The following SHTN1 variants were observed in gnomAD, a reference collection of about 807,000 sequenced individuals.
SHTN1 encodes the protein shootin-1.
In SHTN1, 42 loss-of-function variants were observed where a neutral mutation model predicts 83.1. The observed-to-expected ratio is 0.51, with a 90% confidence interval of 0.39 to 0.65. The LOEUF (loss-of-function observed/expected upper bound fraction) is 0.65. SHTN1 is among the 30% of genes least tolerant of loss of function. SHTN1 has a pLI of 0.00. For synonymous variants in SHTN1, 224 were observed against 247.7 expected (o/e 0.90, Z 0.90); for missense variants, 622 against 737.8 (o/e 0.84, Z 1.82).
At chr10:116,996,949 G>A (rs1240865465) in intron 1 of SHTN1, among the ~76,000 whole-genome samples, 1 of 152,180 alleles carries the variant, frequency 6.6e-6, no homozygotes, top group East Asian at 1.9e-4. Flanking sequence ...TTTCAAAGGG[G>A]AGAACTGAAG....
chr10:117,126,499 A>T (rs1375552530), exon 1 of SHTN1: 3 of 160,446 alleles, frequency 1.9e-5, no homozygotes, highest in Admixed American at 6.6e-5. Flanking sequence ...GCCTCCTAGC[A>T]CGCATGCCCC....
At chr10:116,955,551 A>C (rs982233126) in intron 4 of SHTN1, among the ~76,000 whole-genome samples, 10 of 152,186 alleles carry the variant, frequency 6.6e-5, no homozygotes, top group African/African-American at 2.4e-4. Flanking sequence ...CACTAGAATA[A>C]GATATTTAGC....
At chr10:116,977,688 G>GTT (rs1850859410) in intron 2 of SHTN1, among the ~76,000 whole-genome samples, 1 of 150,774 alleles carries the variant, frequency 6.6e-6, no homozygotes, top group South Asian at 2.1e-4. Flanking sequence ...GTGTGTGTGT[G>GTT]TTTTGAGACA....
At chr10:117,070,859 A>C (rs11197882) in intron 1 of SHTN1, among the ~76,000 whole-genome samples, 4 of 151,770 alleles carry the variant, frequency 2.6e-5, no homozygotes, top group Non-Finnish European at 5.9e-5. Flanking sequence ...GGAGAATGCC[A>C]CTCAGGGGGC....
chr10:116,915,211 G>C (rs974539917), intron 13 of SHTN1, among the ~76,000 whole-genome samples, 164 bp downstream of exon 13: 10 of 152,144 alleles, frequency 6.6e-5, no homozygotes, highest in African/African-American at 2.4e-4. Context: ...TTCACCATGG[G>C]TCCTCCTGAA....
intron 9 of SHTN1, among the ~76,000 whole-genome samples, chr10:116,935,378 G>T (rs959060072): frequency 1.3e-5 from 2 of 152,126 alleles, no homozygotes; most frequent in Non-Finnish European, 2.9e-5. Context: ...GCATGAAGGG[G>T]TGTTGAATTT....
At chr10:116,993,864 T>C (rs1461104620) in intron 1 of SHTN1, among the ~76,000 whole-genome samples, 1 of 152,166 alleles carries the variant, frequency 6.6e-6, no homozygotes, top group East Asian at 1.9e-4. Flanking sequence ...TCACTGAGTA[T>C]ATAGATCATT....
chr10:117,063,420 A>G (rs1440076443), intron 1 of SHTN1, among the ~76,000 whole-genome samples: 2 of 152,186 alleles, frequency 1.3e-5, no homozygotes, highest in Non-Finnish European at 2.9e-5. Context: ...TTCTAAGAAT[A>G]TCATCAGTCC....
intron 9 of SHTN1, among the ~76,000 whole-genome samples, chr10:116,934,091 A>G (rs1330548531): frequency 1.3e-5 from 2 of 152,018 alleles, no homozygotes; most frequent in Admixed American, 1.3e-4. Context: ...AGAGTGCAAA[A>G]ATTTTCTCCC....
chr10:116,909,295 C>T (rs1848097411), intron 14 of SHTN1, among the ~76,000 whole-genome samples: 1 of 152,138 alleles, frequency 6.6e-6, no homozygotes, highest in Non-Finnish European at 1.5e-5. Context: ...GTTCATAATA[C>T]TAACTAATCT....
chr10:117,051,817 T>C (rs1015732723), intron 1 of SHTN1, among the ~76,000 whole-genome samples: 10 of 151,522 alleles, frequency 6.6e-5, no homozygotes, highest in African/African-American at 2.4e-4. Flanking sequence ...ATATACTCAA[T>C]GGTGAAATAT....
chr10:117,056,667 C>A (rs777611551), intron 1 of SHTN1, among the ~76,000 whole-genome samples: 1 of 151,866 alleles, frequency 6.6e-6, no homozygotes, highest in East Asian at 1.9e-4. Context: ...AAAGATTAGC[C>A]GGGCATGGTG....
intron 1 of SHTN1, among the ~76,000 whole-genome samples, chr10:117,099,411 T>C (rs1334632319): frequency 6.6e-6 from 1 of 152,194 alleles, no homozygotes; most frequent in Non-Finnish European, 1.5e-5. Context: ...AATATTCCTT[T>C]GAATATAAAA....
intron 1 of SHTN1, among the ~76,000 whole-genome samples, chr10:117,088,830 A>C (rs1853387645): frequency 6.6e-6 from 1 of 152,164 alleles, no homozygotes; most frequent in African/African-American, 2.4e-5. Flanking sequence ...TAGATGCCTA[A>C]GTTCTCCTTT....
At chr10:117,021,725 C>A (rs1187640136) in intron 2 of SHTN1, among the ~76,000 whole-genome samples, 1 of 152,016 alleles carries the variant, frequency 6.6e-6, no homozygotes, top group Non-Finnish European at 1.5e-5. Context: ...GACAAATATT[C>A]ACAGTAATTT....
Position 116,881,590 on chromosome 10 carries a change from C to G in SHTN1, c.*4754G>C, listed in dbSNP as rs574707425. The G allele has an allele frequency of 6.5e-7, 1 of 1,550,302 alleles. No individual in the cohort carries two copies. Among genetic ancestry groups the G allele is most frequent in the Non-Finnish European group, 8.7e-7 (1 of 1,146,878 alleles). ...GCTGCGGAGGCACTTGAGGCTGCTG[C>G]GGCTAGGGAGCCGCTGGTGCCCACC... On this transcript the variant is annotated 3_prime_UTR_variant, in exon 17 of 17. Coordinates refer to ENST00000355371, the MANE Select transcript of SHTN1 (RefSeq NM_001127211.3).
chr10:116,921,579 A>G, intron 11 of SHTN1, 63 bp from the exon 12 acceptor site: 3 of 1,211,516 alleles, frequency 2.5e-6, no homozygotes, highest in Non-Finnish European at 3.6e-6. Context: ...AATAACCAGT[A>G]AAAATCTCAC....
chr10:117,095,116 G>C (rs923088801), intron 1 of SHTN1, among the ~76,000 whole-genome samples: 5 of 152,188 alleles, frequency 3.3e-5, no homozygotes, highest in Non-Finnish European at 7.3e-5. Context: ...TCAAAGCCGT[G>C]AGGAAATTAG....
intron 1 of SHTN1, among the ~76,000 whole-genome samples, chr10:116,989,083 A>G (rs1851324863): frequency 1.3e-5 from 2 of 152,152 alleles, no homozygotes; most frequent in African/African-American, 2.4e-5. Flanking sequence ...AAAAAACAGT[A>G]TTTTTAAAAT....
Sources: gnomAD v4.1 joint callset for allele counts (sites outside exome capture counted in the v4.1 genomes callset) on GRCh38, gnomAD v4.1.1 for gene constraint, MANE v1.5 for transcripts, NCBI Gene and HGNC (gene_info 2026-07-23, HGNC 2026-07-21) for gene names.